Variants in ZAP70 observed in about 807,000 individuals in gnomAD.
ZAP70 encodes the protein zeta chain of T cell receptor associated protein kinase 70.
A neutral mutation model predicts 65.8 loss-of-function variants in ZAP70; 27 were observed. The ratio of observed to expected loss-of-function variants is 0.41; its 90% CI spans 0.30 to 0.57. ZAP70 has a LOEUF of 0.57. Among genes scored for constraint, ZAP70 ranks in the 20% least tolerant of loss-of-function variants. The pLI is 0.28. For missense variants in ZAP70, 696 were observed against 870.5 expected, an observed-to-expected ratio of 0.80 and a Z score of 2.52; for synonymous variants, 363 against 360.8, an observed-to-expected ratio of 1.01 and a Z score of -0.07.
At chr2:97,734,065 G>A in intron 8 of ZAP70, 1 of 278,702 alleles carries the variant, frequency 3.6e-6, no homozygotes, top group African/African-American at 2.2e-5. Context: ...TGCTGCGGGT[G>A]CTCCTGTTTC....
At chr2:97,714,635 G>C (rs375803274) in intron 2 of ZAP70, among the ~76,000 whole-genome samples, 1 of 152,230 alleles carries the variant, frequency 6.6e-6, no homozygotes, top group Admixed American at 6.5e-5. Flanking sequence ...CAGGTAGGAA[G>C]CATCCCCGAC....
chr2:97,756,006 A>G, the ZAP70 span, among the ~76,000 whole-genome samples: 1 of 152,206 alleles, frequency 6.6e-6, no homozygotes, highest in African/African-American at 2.4e-5. Context: ...CATATCCCAA[A>G]GTGTTAGCCA....
At chr2:97,753,840 T>G in the ZAP70 span, among the ~76,000 whole-genome samples, 1 of 151,866 alleles carries the variant, frequency 6.6e-6, no homozygotes, top group African/African-American at 2.4e-5. Context: ...TAAAAAAAAA[T>G]TAGCCAGATG....
chr2:97,752,193 G>T, the ZAP70 span, among the ~76,000 whole-genome samples: 555 of 152,238 alleles, frequency 3.6e-3, 5 homozygotes, highest in Middle Eastern at 0.01. Flanking sequence ...TACTTGGAGG[G>T]GTCTGAAGGG....
the ZAP70 span, among the ~76,000 whole-genome samples, chr2:97,749,323 T>C: frequency 6.6e-6 from 1 of 152,150 alleles, no homozygotes; most frequent in African/African-American, 2.4e-5. Context: ...CTTCCTATTT[T>C]TACAAAAGGC....
chr2:97,734,812 C>A (rs1008756425), intron 9 of ZAP70, 100 bp downstream of exon 9: 11 of 1,494,328 alleles, frequency 7.4e-6, no homozygotes, highest in Admixed American at 5.1e-5. Flanking sequence ...TGTCTCACAG[C>A]AGTTTGCCTG....
chr2:97,749,231 G>T, the ZAP70 span, among the ~76,000 whole-genome samples: 1 of 152,024 alleles, frequency 6.6e-6, no homozygotes, highest in Non-Finnish European at 1.5e-5. Context: ...GGATGGTCTC[G>T]ATCTCCTGAC....
chr2:97,716,568 C>T (rs765510618), intron 2 of ZAP70, among the ~76,000 whole-genome samples: 1 of 152,062 alleles, frequency 6.6e-6, no homozygotes, highest in Non-Finnish European at 1.5e-5. Context: ...AGGCAGAGAC[C>T]TGAATAAAGT....
rs1678061701 is a variant in ZAP70 at position 97,739,562 on chromosome 2, C to T, written c.*64C>T. 1.3e-6 allele frequency: 2 copies of T among 1,574,676 alleles called. No individual in the cohort carries two copies. Among genetic ancestry groups the T allele is most frequent in the Admixed American group, 3.6e-5 (2 of 56,280 alleles). ...CCCCACCCTCAGCCCCACCCCAGGT[C>T]CTGCAGTCTGGCTGAGCCCTGCTTG... On this transcript the variant is annotated 3_prime_UTR_variant, in exon 14 of 14. Transcript: ENST00000264972.
intron 4 of ZAP70, among the ~76,000 whole-genome samples, chr2:97,730,534 G>C (rs989243625): frequency 1.3e-5 from 2 of 152,180 alleles, no homozygotes; most frequent in Non-Finnish European, 2.9e-5. Context: ...AAGCAAGAGA[G>C]GGCAGGCCAA....
intron 3 of ZAP70, chr2:97,724,886 G>C (rs1356194714): frequency 1.3e-6 from 2 of 1,531,788 alleles, no homozygotes; most frequent in South Asian, 1.2e-5. Flanking sequence ...TTGGGGCCGC[G>C]CTGGAAGGTG....
At chr2:97,719,194 G>A (rs1035505428) in intron 2 of ZAP70, among the ~76,000 whole-genome samples, 15 of 152,134 alleles carry the variant, frequency 9.9e-5, no homozygotes, top group Admixed American at 2.0e-4. Context: ...CTGGATCTTA[G>A]GTTGGTTGTA....
intron 4 of ZAP70, among the ~76,000 whole-genome samples, chr2:97,728,006 A>G (rs1677460780): frequency 6.6e-6 from 1 of 152,242 alleles, no homozygotes; most frequent in Non-Finnish European, 1.5e-5. Flanking sequence ...CCCCTGTTCC[A>G]GCTTGAATGA....
intron 4 of ZAP70, among the ~76,000 whole-genome samples, chr2:97,725,647 C>T (rs1457707897): frequency 6.6e-6 from 1 of 152,190 alleles, no homozygotes; most frequent in Non-Finnish European, 1.5e-5. Context: ...CCTCATGGGG[C>T]AGGTAGACAA....
Position 97,739,384 on chromosome 2 carries a change from T to G in ZAP70, c.1746T>G (p.Asp582Glu), listed in dbSNP as rs1678049009. The G allele has an allele frequency of 6.2e-7, 1 of 1,613,276 alleles. No homozygotes were observed. The highest frequency in any genetic ancestry group is 8.5e-7 in the Non-Finnish European group (1 of 1,179,868). ...ACCCCACGCCCCACAGGTGGGAGGATCGCCCCGACTTCCTGACCGTGGAGC... is the reference window on the plus strand; with the variant it reads ...ACCCCACGCCCCACAGGTGGGAGGAGCGCCCCGACTTCCTGACCGTGGAGC... ...MSDCWIYKWE[D>E]RPDFLTVEQR... Residue 582 changes from aspartate (D) to glutamate (E), a missense_variant, in exon 14 of 14, where the codon GAT becomes GAG. Physicochemically the swap from Asp to Glu is conservative, Grantham distance 45. Coordinates refer to ENST00000264972, the MANE Select transcript of ZAP70 (RefSeq NM_001079.4).
rs757486529 is a variant in ZAP70, at chr2:97,734,705, A to T, written c.1075A>T (p.Met359Leu). The part of the protein sequence containing the change: ...FGSVRQGVYR[M>L]RKKQIDVAIK... ...CTCAGTGCGCCAGGGCGTGTACCGC[A>T]TGCGCAAGTATGGCCGCCCCTGCCG... The change falls in exon 9 of 14, where the codon ATG (methionine) becomes TTG (leucine). Residue 359 changes from methionine to leucine, a missense_variant. Around this residue, in one of 3 missense-constraint regions of ZAP70, gnomAD observed 551 missense variants for 630.0 expected, o/e 0.87. Transcript: ENST00000264972. 2 of 1,613,786 alleles carry T rather than the reference A, an allele frequency of 1.2e-6. No homozygotes were observed. The highest frequency in any genetic ancestry group is 1.7e-6 in the Non-Finnish European group (2 of 1,179,980).
At position 97,715,241 on chromosome 2, in the gene ZAP70, C is replaced by T. The variant is rs552317055; in HGVS notation, c.-22+1247C>T. 5.3e-5 allele frequency among the ~76,000 whole-genome samples: 8 copies of T among 152,300 alleles called. 1 individual carries two copies. The South Asian group carries it at 1.2e-3, about 24-fold the overall frequency. On this transcript the variant is annotated intron_variant, in intron 2 of 13. Transcript: ENST00000264972. The surrounding 1 kb of genome is among the most constrained non-coding windows in gnomAD (Gnocchi z 4.1). ...CATCAGAGCCAATTTTACCTCCTCC[C>T]GTCTCCCTGGGACAGTTGATAGTGC...
At chr2:97,753,166 T>C in the ZAP70 span, among the ~76,000 whole-genome samples, 1 of 152,232 alleles carries the variant, frequency 6.6e-6, no homozygotes, top group African/African-American at 2.4e-5. Context: ...TCTCTGATCA[T>C]AGACTATCCT....
At chr2:97,738,852 G>A (rs922940145) in intron 13 of ZAP70, among the ~76,000 whole-genome samples, 7 of 151,940 alleles carry the variant, frequency 4.6e-5, no homozygotes, top group African/African-American at 7.3e-5. Context: ...AGTACCCAAA[G>A]AGGCTAGCAC....
Sources: gnomAD v4.1 joint callset for allele counts (sites outside exome capture counted in the v4.1 genomes callset) on GRCh38, gnomAD v4.1.1 for gene constraint, gnomAD v4.1.1 regional missense constraint, Gnocchi (gnomAD v3.1) non-coding constraint, MANE v1.5 for transcripts, NCBI Gene and HGNC (gene_info 2026-07-23, HGNC 2026-07-21) for gene names.